HLCS: variants seen among roughly 807,000 people sequenced by gnomAD.
HLCS encodes the protein holocarboxylase synthetase.
Under a neutral mutation model 75.0 loss-of-function variants are expected in HLCS, and 53 were observed. The observed-to-expected ratio is 0.71, with a 90% CI of 0.57 to 0.89. The LOEUF (loss-of-function observed/expected upper bound fraction) is 0.89, where lower values mean the gene tolerates loss of function less well. Ranked by LOEUF, HLCS falls within the 40% of genes least tolerant of loss-of-function variation. The probability of loss-of-function intolerance (pLI) is 0.00; values close to 1 mark genes in which losing one functional copy is unlikely to be tolerated. For synonymous variants in HLCS, 431 were observed against 428.6 expected (o/e 1.01, Z -0.07); for missense variants, 966 against 1,074.0 (o/e 0.90, Z 1.41).
chr21:36,923,650 C>T (rs552587709), intron 5 of HLCS, among the ~76,000 whole-genome samples: 2 of 152,326 alleles, frequency 1.3e-5, no homozygotes, highest in East Asian at 1.9e-4. Context: ...CTTTGAGGCA[C>T]ACTTGTGGAA....
intron 2 of HLCS, among the ~76,000 whole-genome samples, chr21:36,948,648 G>A (rs2067522133): frequency 7.4e-6 from 1 of 134,988 alleles, no homozygotes; most frequent in South Asian, 2.6e-4. Context: ...AGGATGGATT[G>A]AGCCCAGGAA....
At chr21:36,760,813 T>A (rs2089808224) in intron 8 of HLCS, among the ~76,000 whole-genome samples, 1 of 152,112 alleles carries the variant, frequency 6.6e-6, no homozygotes, top group African/African-American at 2.4e-5. Flanking sequence ...CACTGGACAG[T>A]GTCTCGAACA....
At chr21:36,868,192 G>GA (rs1555916361) in intron 6 of HLCS, among the ~76,000 whole-genome samples, 1 of 146,392 alleles carries the variant, frequency 6.8e-6, no homozygotes, top group East Asian at 2.0e-4. Flanking sequence ...GGGGAAAAAG[G>GA]AAGGGAAAAG....
At chr21:36,777,518 C>T (rs1395832570) in intron 6 of HLCS, among the ~76,000 whole-genome samples, 1 of 152,174 alleles carries the variant, frequency 6.6e-6, no homozygotes, top group Non-Finnish European at 1.5e-5. Flanking sequence ...CTCTTTTTTT[C>T]TGGTCTAAGA....
At chr21:36,807,087 G>A (rs772091102) in intron 6 of HLCS, among the ~76,000 whole-genome samples, 3 of 152,220 alleles carry the variant, frequency 2.0e-5, no homozygotes, top group Non-Finnish European at 4.4e-5. Context: ...CAAGACAGAA[G>A]TCACCCAGAA....
intron 4 of HLCS, among the ~76,000 whole-genome samples, chr21:36,935,798 G>A (rs894098454): frequency 7.2e-5 from 11 of 152,294 alleles, no homozygotes; most frequent in Non-Finnish European, 1.5e-4. Flanking sequence ...GATCTCCTAC[G>A]CAAGAAAAAG....
chr21:36,847,077 AT>A (rs1306114217), intron 6 of HLCS, among the ~76,000 whole-genome samples: 1 of 152,192 alleles, frequency 6.6e-6, no homozygotes, highest in Non-Finnish European at 1.5e-5. Context: ...GTAAATAGAG[AT>A]GTTAGAAACG....
At chr21:36,939,222 C>T (rs546527245) in intron 2 of HLCS, among the ~76,000 whole-genome samples, 1 of 152,280 alleles carries the variant, frequency 6.6e-6, no homozygotes, top group African/African-American at 2.4e-5. Flanking sequence ...ATAACTCTCT[C>T]ATTTAAAAGT....
chr21:36,856,834 A>G (rs1398220671), intron 6 of HLCS, among the ~76,000 whole-genome samples: 7 of 152,230 alleles, frequency 4.6e-5, no homozygotes, highest in African/African-American at 7.2e-5. Flanking sequence ...CTGAAATCAG[A>G]AAACCAGAGC....
intron 5 of HLCS, among the ~76,000 whole-genome samples, chr21:36,926,019 GCTGA>G (rs1465970862): frequency 1.3e-5 from 2 of 152,192 alleles, no homozygotes; most frequent in Admixed American, 6.5e-5. Flanking sequence ...ATGTATTGCT[GCTGA>G]CTGCCTGTCA....
intron 8 of HLCS, among the ~76,000 whole-genome samples, chr21:36,764,433 G>T (rs2145765052): frequency 6.6e-6 from 1 of 151,932 alleles, no homozygotes; most frequent in African/African-American, 2.4e-5. Context: ...ACCAGGTGCA[G>T]TGGCTCATGC....
Position 36,839,487 on chromosome 21 carries a change from T to C in HLCS, c.1892+57373A>G, listed in dbSNP as rs544182094. 2.0e-5 allele frequency among the ~76,000 whole-genome samples: 3 copies of C among 152,258 alleles called. No homozygotes were observed. In the East Asian group the frequency reaches 5.8e-4, roughly 29 times the overall value. ...GTACGCTTTGCTCACTGATGGAGTG[T>C]AATTCTTGAAAGAAGGGAGACGGGA... On this transcript the variant is annotated intron_variant, in intron 6 of 10. Transcript: ENST00000674895.
intron 8 of HLCS, among the ~76,000 whole-genome samples, chr21:36,763,586 T>C (rs1429391141): frequency 2.6e-5 from 4 of 152,328 alleles, no homozygotes; most frequent in African/African-American, 9.6e-5. Context: ...TTTTCTTCAA[T>C]GAAATGATGA....
At chr21:36,963,638 G>A (rs2068423557) in intron 1 of HLCS, among the ~76,000 whole-genome samples, 1 of 152,078 alleles carries the variant, frequency 6.6e-6, no homozygotes, top group Non-Finnish European at 1.5e-5. Flanking sequence ...TGTAATCCCA[G>A]CTACTCGGGA....
intron 6 of HLCS, among the ~76,000 whole-genome samples, chr21:36,771,322 C>A (rs993566597): frequency 6.6e-6 from 1 of 152,146 alleles, no homozygotes; most frequent in Non-Finnish European, 1.5e-5. Flanking sequence ...AACTAGTGAG[C>A]AGCTTATCTG....
intron 6 of HLCS, among the ~76,000 whole-genome samples, chr21:36,828,718 ACAAT>A (rs2062096935): frequency 1.3e-5 from 2 of 152,264 alleles, no homozygotes. Context: ...CAATAAAAAA[ACAAT>A]CTGTAAATTT....
At chr21:36,812,435 G>A (rs952593760) in intron 6 of HLCS, among the ~76,000 whole-genome samples, 5 of 152,160 alleles carry the variant, frequency 3.3e-5, no homozygotes, top group East Asian at 1.9e-4. Context: ...ACTGTTAGTC[G>A]CAGAATGAAT....
intron 8 of HLCS, among the ~76,000 whole-genome samples, chr21:36,760,634 T>G (rs1303175476): frequency 2.0e-5 from 3 of 149,640 alleles, no homozygotes; most frequent in Admixed American, 6.6e-5. Flanking sequence ...AAGAATGCTG[T>G]GAAGATGCAG....
chr21:36,930,339 A>G lies in HLCS; in HGVS notation c.1532T>C (p.Leu511Pro), dbSNP rs1272406020. Residue 511 changes from leucine (L) to proline (P), a missense_variant, in exon 5 of 11, where the codon CTT (leucine) becomes CCT (proline). Physicochemically the swap from Leu to Pro is moderately conservative, Grantham distance 98 (BLOSUM62 -3). Transcript: ENST00000674895. ...GCCAAGGGTTGTCAGAATCTCTCTA[A>G]GGACTTCGTATCTTCTAAAATTGCT... ...KSSNFRRYEV[L>P]REILTTLGLS... The G allele has an allele frequency of 1.9e-6, 3 of 1,614,148 alleles. No individual in the cohort carries two copies. The highest frequency in any genetic ancestry group is 2.5e-6 in the Non-Finnish European group (3 of 1,179,998).
Sources: allele counts gnomAD v4.1 joint callset (sites outside exome capture counted in the v4.1 genomes callset), GRCh38; gene constraint gnomAD v4.1.1; transcripts MANE v1.5; gene names NCBI Gene and HGNC (gene_info 2026-07-23, HGNC 2026-07-21).